The following KCNT2 variants were observed in gnomAD, a reference collection of about 807,000 sequenced individuals.
KCNT2 encodes the protein potassium sodium-activated channel subfamily T member 2.
KCNT2 carries 67 observed loss-of-function variants against 153.8 expected under a neutral mutation model. That is an observed-to-expected ratio of 0.44 (90% CI 0.36 to 0.53). The LOEUF is 0.53. KCNT2 is among the 20% of genes least tolerant of loss of function. The pLI is 0.00. For missense variants in KCNT2, 975 were observed against 1,354.8 expected (o/e 0.72, Z 4.40); for synonymous variants, 500 against 458.8 (o/e 1.09, Z -1.15).
At chr1:196,248,342 A>T (rs1013680620) in intron 26 of KCNT2, among the ~76,000 whole-genome samples, 1 of 152,096 alleles carries the variant, frequency 6.6e-6, no homozygotes, top group Non-Finnish European at 1.5e-5. Flanking sequence ...AAAATACAAA[A>T]GATCAACAAA....
At chr1:196,235,112 G>C (rs1293196095) in intron 27 of KCNT2, among the ~76,000 whole-genome samples, 1 of 151,270 alleles carries the variant, frequency 6.6e-6, no homozygotes, top group Non-Finnish European at 1.5e-5. Context: ...CCTTTCCAGA[G>C]GCAAATATAA....
chr1:196,313,761 A>G (rs1013400050), intron 21 of KCNT2, among the ~76,000 whole-genome samples: 2 of 151,656 alleles, frequency 1.3e-5, no homozygotes, highest in African/African-American at 4.8e-5. Context: ...GGCATAAGAA[A>G]GGAAAGAACA....
chr1:196,395,272 G>A (rs1275869380), intron 13 of KCNT2, among the ~76,000 whole-genome samples: 1 of 151,378 alleles, frequency 6.6e-6, no homozygotes, highest in Non-Finnish European at 1.5e-5. Context: ...TGTTATTCCC[G>A]TTAAATGAGT....
At chr1:196,419,163 T>A (rs759501786) in intron 12 of KCNT2, among the ~76,000 whole-genome samples, 3 of 151,608 alleles carry the variant, frequency 2.0e-5, no homozygotes, top group African/African-American at 7.2e-5. Context: ...TTTTAATTTT[T>A]AATTTTTTTT....
At chr1:196,264,639 T>G (rs1207606908) in intron 25 of KCNT2, among the ~76,000 whole-genome samples, 3 of 152,082 alleles carry the variant, frequency 2.0e-5, no homozygotes, top group African/African-American at 7.2e-5. Flanking sequence ...AAATTATTTA[T>G]TTATTTATTT....
chr1:196,315,414 T>C (rs1036566816), intron 21 of KCNT2, among the ~76,000 whole-genome samples: 2 of 151,620 alleles, frequency 1.3e-5, no homozygotes, highest in Non-Finnish European at 3.0e-5. Flanking sequence ...TTAAATTCAA[T>C]GGGTACATTT....
intron 8 of KCNT2, among the ~76,000 whole-genome samples, chr1:196,442,782 A>G (rs1675355939): frequency 6.6e-6 from 1 of 151,732 alleles, no homozygotes; most frequent in Non-Finnish European, 1.5e-5. Flanking sequence ...GTGTTCATGT[A>G]AGAAATTCAG....
chr1:196,315,326 T>G (rs1015689319), intron 21 of KCNT2, among the ~76,000 whole-genome samples: 2 of 151,702 alleles, frequency 1.3e-5, no homozygotes, highest in Non-Finnish European at 3.0e-5. Context: ...TGGCTCTTTC[T>G]CTAGTCAGGA....
chr1:196,519,657 A>C (rs1289593038), intron 1 of KCNT2, among the ~76,000 whole-genome samples: 1 of 152,182 alleles, frequency 6.6e-6, no homozygotes, highest in Non-Finnish European at 1.5e-5. Context: ...AGAGACTACT[A>C]CGAACACCTC....
chr1:196,451,106 T>A (rs185661825), intron 8 of KCNT2, among the ~76,000 whole-genome samples: 1 of 151,218 alleles, frequency 6.6e-6, no homozygotes, highest in African/African-American at 2.4e-5. Context: ...AAGATTTTGA[T>A]CATTTTAATT....
intron 23 of KCNT2, 42 bp from the exon 24 acceptor site, chr1:196,282,398 T>C: frequency 1.0e-6 from 1 of 961,074 alleles, no homozygotes; most frequent in Non-Finnish European, 1.7e-6. Context: ...TGTATATTTA[T>C]ATATAATGTG....
intron 1 of KCNT2, among the ~76,000 whole-genome samples, chr1:196,514,366 GTACTAATA>G (rs1681883529): frequency 6.6e-6 from 1 of 151,708 alleles, no homozygotes; most frequent in Non-Finnish European, 1.5e-5. Context: ...TTCTTTTTAT[GTACTAATA>G]TTGGGGCTGA....
At chr1:196,456,837 T>G (rs1676713912) in intron 8 of KCNT2, among the ~76,000 whole-genome samples, 1 of 151,952 alleles carries the variant, frequency 6.6e-6, no homozygotes, top group East Asian at 1.9e-4. Context: ...CAGAAATATA[T>G]TCTAGAAAAG....
At chr1:196,518,557 G>A (rs1325187355) in intron 1 of KCNT2, among the ~76,000 whole-genome samples, 1 of 149,162 alleles carries the variant, frequency 6.7e-6, no homozygotes, top group African/African-American at 2.5e-5. Context: ...ACACTGATAG[G>A]ATCAAAATAC....
intron 1 of KCNT2, among the ~76,000 whole-genome samples, chr1:196,535,603 A>G (rs1408233496): frequency 6.6e-6 from 1 of 152,210 alleles, no homozygotes; most frequent in African/African-American, 2.4e-5. Flanking sequence ...TAAAATGACT[A>G]TATGAAATGT....
chr1:196,330,498 T>A (rs1291708743), intron 18 of KCNT2, among the ~76,000 whole-genome samples: 1 of 151,972 alleles, frequency 6.6e-6, no homozygotes, highest in Non-Finnish European at 1.5e-5. Context: ...TAGTGGCAGA[T>A]CTGAATCTCC....
At position 196,429,793 on chromosome 1, in the gene KCNT2, C is replaced by T. The variant is rs777849890; in HGVS notation, c.639-36G>A. The T allele has an allele frequency of 4.3e-6, 6 of 1,400,932 alleles. No individual in the cohort carries two copies. In the South Asian group the frequency reaches 6.7e-5, roughly 16 times the overall value. 86.8% of individuals were successfully genotyped at this position (1,400,932 alleles called of 1,614,324 possible). On this transcript the variant is annotated intron_variant, in intron 8 of 27. Transcript: ENST00000294725. ...AAATATGCATTACAATTAAATCTTT[C>T]AAACTGGACACATAATTTCTCATCA...
chr1:196,427,994 G>T, intron 10 of KCNT2, 111 bp downstream of exon 10: 6 of 706,096 alleles, frequency 8.5e-6, no homozygotes, highest in Non-Finnish European at 1.2e-5. Context: ...TCTATATTTG[G>T]TTGTATAAAT....
intron 26 of KCNT2, 176 bp downstream of exon 26, chr1:196,258,018 A>G: frequency 5.0e-6 from 7 of 1,413,744 alleles, no homozygotes; most frequent in East Asian, 2.5e-5. Flanking sequence ...AATTTTTAGC[A>G]TTTTATCTTA....
Sources: gnomAD v4.1 joint callset for allele counts (sites outside exome capture counted in the v4.1 genomes callset) on GRCh38, gnomAD v4.1.1 for gene constraint, MANE v1.5 for transcripts, NCBI Gene and HGNC (gene_info 2026-07-23, HGNC 2026-07-21) for gene names.